The following KMT2C variants were observed in gnomAD, a reference collection of about 807,000 sequenced individuals.
KMT2C encodes lysine methyltransferase 2C.
KMT2C carries 88 observed loss-of-function variants against 507.9 expected under a neutral mutation model. The ratio of observed to expected loss-of-function variants is 0.17; its 90% CI spans 0.15 to 0.21. KMT2C has a LOEUF of 0.21. Among genes scored for constraint, KMT2C ranks in the 10% least tolerant of loss-of-function variants. The pLI is 1.00. For missense variants in KMT2C, 4,954 were observed against 5,957.8 expected (o/e 0.83, Z 5.55); for synonymous variants, 2,049 against 2,080.8 (o/e 0.98, Z 0.42).
intron 6 of KMT2C, among the ~76,000 whole-genome samples, chr7:152,297,628 G>A (rs906381619): frequency 2.0e-5 from 3 of 152,024 alleles, no homozygotes; most frequent in Admixed American, 1.3e-4. Flanking sequence ...AATTAGTCCT[G>A]GACTAAGCAC....
intron 6 of KMT2C, among the ~76,000 whole-genome samples, chr7:152,308,435 G>A (rs12333849): frequency 0.043 from 6,509 of 150,376 alleles, 489 homozygotes; most frequent in African/African-American, 0.15. Flanking sequence ...CAGCACGTCA[G>A]GAGGCCAAGG....
At position 152,152,860 on chromosome 7, in the gene KMT2C, A is replaced by G. The variant is rs139927858; in HGVS notation, c.12371T>C (p.Met4124Thr). ...EVSSAPDVPS[M>T]GLVSSHRINP... ...GATTCTGTGGCTACTGACCAAACCC[A>G]TGGATGGGACATCTGGAGCACTGCT... is the stretch of plus-strand genomic sequence containing the variant. Residue 4124 changes from methionine (M) to threonine (T), a missense_variant, in exon 49 of 59, where the codon ATG (methionine) becomes ACG (threonine). Around this residue, in one of 29 missense-constraint regions of KMT2C, gnomAD observed 417 missense variants for 461.1 expected, o/e 0.90. Transcript: ENST00000262189. 1.2e-6 allele frequency: 2 copies of G among 1,614,216 alleles called. No homozygotes were observed. Among genetic ancestry groups the G allele is most frequent in the African/African-American group, 1.3e-5 (1 of 75,058 alleles).
At position 152,308,602 on chromosome 7, in the gene KMT2C, G is replaced by A. The variant is rs537782657; in HGVS notation, c.849+1364C>T. Reference sequence around the variant, plus strand: ...AGGCGGCAGAATCACTTGAACCCAGGAAGCAGAGGTTGCAGTGAGCTGAGA... The same window carrying A: ...AGGCGGCAGAATCACTTGAACCCAGAAAGCAGAGGTTGCAGTGAGCTGAGA... On this transcript the variant is annotated intron_variant, in intron 6 of 58. Transcript: ENST00000262189. Among the ~76,000 whole-genome samples the A allele has an allele frequency of 4.2e-5, 6 of 141,340 alleles. No individual in the cohort carries two copies. The East Asian group carries it at 1.3e-3, about 30-fold the overall frequency. 92.7% of individuals were successfully genotyped at this position (141,340 alleles called of 152,430 possible).
At chr7:152,357,476 G>A (rs2097161844) in intron 2 of KMT2C, among the ~76,000 whole-genome samples, 2 of 152,098 alleles carry the variant, frequency 1.3e-5, no homozygotes, top group African/African-American at 4.8e-5. Context: ...AGCTTGCAGT[G>A]AGCTGAGATC....
chr7:152,348,097 A>C (rs1294577206), intron 2 of KMT2C, among the ~76,000 whole-genome samples: 1 of 152,198 alleles, frequency 6.6e-6, no homozygotes, highest in Non-Finnish European at 1.5e-5. Flanking sequence ...ACCTAGATGA[A>C]ATGGACCAAT....
chr7:152,413,047 T>G (rs1247594229), intron 1 of KMT2C, among the ~76,000 whole-genome samples: 4 of 152,172 alleles, frequency 2.6e-5, no homozygotes, highest in Non-Finnish European at 5.9e-5. Context: ...ATGGACAGAC[T>G]AAGAACAAAC....
At position 152,224,059 on chromosome 7, in the gene KMT2C, G is replaced by C. The variant is rs1177201529; in HGVS notation, c.3279C>G (p.Asn1093Lys). 6.2e-7 allele frequency: 1 copy of C among 1,611,030 alleles called. No homozygotes were observed. The highest frequency in any genetic ancestry group is 1.1e-5 in the South Asian group (1 of 90,972). ...GCAGAATAAGATCTTCTTCTCTATA[G>C]TTTCGATAGCAGACTGGACAGGAAG... ...SLSSCPVCYRNYREEDLILQC... is the reference protein window; with the variant it reads ...SLSSCPVCYRKYREEDLILQC... Residue 1093 changes from asparagine to lysine, a missense_variant, in exon 20 of 59, where the codon AAC (asparagine) becomes AAG (lysine). Transcript: ENST00000262189.
rs116281139 is a variant in KMT2C, at chr7:152,397,687, C to T, written c.161+37939G>A. Among the ~76,000 whole-genome samples the T allele has an allele frequency of 3.0e-3, 460 of 152,206 alleles. 2 individuals are homozygous for T. Among genetic ancestry groups the T allele is most frequent in the South Asian group, 0.016 (79 of 4,822 alleles). ...ATTCCCACGTGTTGTGGAATGGACA[C>T]AGTGGGAAAGAATTGAATCATAGGG... On this transcript the variant is annotated intron_variant, in intron 1 of 58. Coordinates refer to ENST00000262189, the MANE Select transcript of KMT2C (RefSeq NM_170606.3).
chr7:152,324,449 C>G (rs2096805497), intron 3 of KMT2C, among the ~76,000 whole-genome samples: 1 of 151,422 alleles, frequency 6.6e-6, no homozygotes, highest in African/African-American at 2.4e-5. Context: ...TAGGATTTGC[C>G]AATCAAAAAT....
chr7:152,308,999 C>CT (rs1223601036), intron 6 of KMT2C, among the ~76,000 whole-genome samples: 1 of 152,088 alleles, frequency 6.6e-6, no homozygotes, highest in African/African-American at 2.4e-5. Flanking sequence ...GCACATATTA[C>CT]TTTGATACAA....
chr7:152,188,619 TTTTTTG>T (rs1212240114), intron 31 of KMT2C, among the ~76,000 whole-genome samples: 2 of 132,912 alleles, frequency 1.5e-5, no homozygotes, highest in African/African-American at 6.6e-5. Flanking sequence ...TTTTTTTTTT[TTTTTTG>T]TTTTTGAGAT....
At chr7:152,250,561 A>T (rs1165572629) in intron 12 of KMT2C, among the ~76,000 whole-genome samples, 1 of 152,214 alleles carries the variant, frequency 6.6e-6, no homozygotes, top group Non-Finnish European at 1.5e-5. Context: ...ATCATCAGCA[A>T]CAGCTCTACT....
intron 2 of KMT2C, among the ~76,000 whole-genome samples, chr7:152,338,830 C>A (rs1563917398): frequency 6.6e-6 from 1 of 152,286 alleles, no homozygotes. Flanking sequence ...GAAATGTTAA[C>A]AGTCTTACTA....
intron 3 of KMT2C, among the ~76,000 whole-genome samples, chr7:152,327,741 G>A (rs565709912): frequency 1.7e-4 from 26 of 152,120 alleles, no homozygotes; most frequent in African/African-American, 5.3e-4. Flanking sequence ...GGTGGATCAC[G>A]AGGTCAGGAG....
At chr7:152,331,607 TCAACAACAA>T (rs368990623) in intron 2 of KMT2C, among the ~76,000 whole-genome samples, 38 of 134,306 alleles carry the variant, frequency 2.8e-4, no homozygotes, top group Admixed American at 1.2e-3. Flanking sequence ...AGATCCTACC[TCAACAACAA>T]CAACAACAAC....
chr7:152,361,237 A>G (rs780015753), intron 1 of KMT2C, among the ~76,000 whole-genome samples: 17 of 152,118 alleles, frequency 1.1e-4, no homozygotes, highest in Non-Finnish European at 1.8e-4. Context: ...TCATGGACAA[A>G]AAGAAAGAAC....
chr7:152,271,463 G>T (rs1341596625), intron 7 of KMT2C, among the ~76,000 whole-genome samples: 10 of 151,988 alleles, frequency 6.6e-5, no homozygotes, highest in Admixed American at 6.6e-4. Flanking sequence ...CACGAGGTCA[G>T]GAGTTCGAGA....
rs2093224988 is a variant in KMT2C at position 152,176,656 on chromosome 7, T to C, written c.8797A>G (p.Arg2933Gly). ...GGTGGTGGTGGAGACCCCGATGGCC[T>C]AATGTCTGAATTATCAGATTTCTCA... ...ANEKSDNSDI[R>G]PSGSPPPPTL... The change falls in exon 38 of 59, where the codon AGG becomes GGG. Residue 2933 changes from arginine (R) to glycine (G), a missense_variant. Coordinates refer to ENST00000262189, the MANE Select transcript of KMT2C (RefSeq NM_170606.3). 9 of 1,614,216 alleles carry C rather than the reference T, an allele frequency of 5.6e-6. No homozygotes were observed. The highest frequency in any genetic ancestry group is 7.6e-6 in the Non-Finnish European group (9 of 1,180,030).
chr7:152,198,313 C>A (rs1417824212), intron 27 of KMT2C, among the ~76,000 whole-genome samples: 1 of 152,128 alleles, frequency 6.6e-6, no homozygotes, highest in Non-Finnish European at 1.5e-5. Context: ...AAGTCAAAAT[C>A]AAAAATAGTT....
Sources: gnomAD v4.1 joint callset for allele counts (sites outside exome capture counted in the v4.1 genomes callset) on GRCh38, gnomAD v4.1.1 for gene constraint, gnomAD v4.1.1 regional missense constraint, MANE v1.5 for transcripts, NCBI Gene and HGNC (gene_info 2026-07-23, HGNC 2026-07-21) for gene names.